The following CRYBG3 variants were observed in gnomAD, a reference collection of about 807,000 sequenced individuals.
CRYBG3 encodes crystallin beta-gamma domain containing 3.
In CRYBG3, 127 loss-of-function variants were observed where a neutral mutation model predicts 244.2. The observed-to-expected ratio is 0.52, with a 90% CI of 0.45 to 0.60. The LOEUF (loss-of-function observed/expected upper bound fraction) is 0.60. CRYBG3 is among the 20% of genes least tolerant of loss of function. The pLI, the probability that CRYBG3 is intolerant of heterozygous loss-of-function variation, is 0.00. For missense variants in CRYBG3, 3,325 were observed against 3,442.5 expected (o/e 0.97, Z 0.85); for synonymous variants, 1,132 against 1,195.8 (o/e 0.95, Z 1.10).
intron 17 of CRYBG3, among the ~76,000 whole-genome samples, chr3:97,920,616 G>A (rs1032027166): frequency 6.6e-6 from 1 of 151,804 alleles, no homozygotes; most frequent in African/African-American, 2.4e-5. Context: ...TGCAACCTCC[G>A]CCTCCCAAGT....
At position 97,872,259 on chromosome 3, in the gene CRYBG3, C is replaced by T. The variant is rs1307930499; in HGVS notation, c.1065C>T (p.Ser355=). Residue 355 remains serine, a synonymous_variant, in exon 4 of 22, where the codon AGC becomes AGT. Coordinates refer to ENST00000389622, the MANE Select transcript of CRYBG3 (RefSeq NM_153605.4). ...CCCCTTCTTCTGTGACTAACTCCAG[C>T]TACGATGGAGAATCTGACTCACAGC... The part of the protein sequence containing the change: ...RSSPSSVTNS[S]YDGESDSQHH... The T allele has an allele frequency of 3.9e-6, 6 of 1,535,756 alleles. No individual in the cohort carries two copies. Among genetic ancestry groups the T allele is most frequent in the South Asian group, 3.6e-5 (3 of 84,042 alleles).
intron 17 of CRYBG3, among the ~76,000 whole-genome samples, chr3:97,922,715 T>C (rs1018329609): frequency 3.3e-5 from 5 of 152,014 alleles, no homozygotes; most frequent in Admixed American, 3.3e-4. Context: ...TGTGGAGAAA[T>C]AGGAACACTT....
intron 16 of CRYBG3, 27 bp downstream of exon 16, chr3:97,912,303 G>A: frequency 8.4e-7 from 1 of 1,193,824 alleles, no homozygotes; most frequent in Non-Finnish European, 1.2e-6. Context: ...AGTGGTTTCT[G>A]CTGTTATTTA....
At chr3:97,892,752 T>A in intron 10 of CRYBG3, 108 bp from the exon 11 acceptor site, 1 of 570,236 alleles carries the variant, frequency 1.8e-6, no homozygotes, top group Non-Finnish European at 2.9e-6. Context: ...CTCCTCATAT[T>A]AATTAAAAAA....
intron 9 of CRYBG3, among the ~76,000 whole-genome samples, chr3:97,889,043 G>C (rs1176481323): frequency 6.6e-6 from 1 of 152,168 alleles, no homozygotes; most frequent in Non-Finnish European, 1.5e-5. Flanking sequence ...TCTGAAGTGG[G>C]ATTAAATCTT....
chr3:97,868,440 C>T (rs909924673), intron 3 of CRYBG3, among the ~76,000 whole-genome samples: 4 of 152,056 alleles, frequency 2.6e-5, no homozygotes, highest in African/African-American at 9.7e-5. Context: ...TGAAGGGACT[C>T]ACTATAATAT....
Position 97,830,809 on chromosome 3 carries a change from A to G in CRYBG3, c.149+8454A>G, listed in dbSNP as rs193179336. ...ACCTTGCACAGTGCCTTTTAAATTC[A>G]TTTTGCTGGACAGTTGGCAGGCTCT... is the stretch of plus-strand genomic sequence containing the variant. On this transcript the variant is annotated intron_variant, in intron 1 of 21. Transcript: ENST00000389622. Among the ~76,000 whole-genome samples, 828 of 152,180 alleles carry G rather than the reference A, an allele frequency of 5.4e-3. 7 individuals are homozygous for G. Among genetic ancestry groups the G allele is most frequent in the Non-Finnish European group, 5.8e-3 (391 of 67,984 alleles).
intron 2 of CRYBG3, among the ~76,000 whole-genome samples, chr3:97,850,947 C>T (rs762594919): frequency 3.9e-5 from 6 of 151,928 alleles, no homozygotes; most frequent in Non-Finnish European, 7.4e-5. Flanking sequence ...GCCTGGCCAA[C>T]ATGGTGAAAC....
In CRYBG3 at chr3:97,864,346, C is replaced by G. The variant is rs754578702; in HGVS notation, c.346C>G (p.Gln116Glu). 2 of 1,535,876 alleles carry G rather than the reference C, an allele frequency of 1.3e-6. No homozygotes were observed. The highest frequency in any genetic ancestry group is 1.7e-4 in the Middle Eastern group (1 of 5,988). ...SDTKIGESDR[Q>E]PKESFFQFLG... The stretch of plus-strand genomic sequence containing the variant: ...TACCAAAATAGGAGAAAGTGACAGA[C>G]AGCCAAAAGAAAGCTTTTTTCAGTT... Residue 116 changes from glutamine to glutamate, a missense_variant, in exon 3 of 22, where the codon CAG becomes GAG. This residue lies in a region of CRYBG3 where 1,526 missense variants were observed against 1,443.2 expected (regional missense o/e 1.06). Coordinates refer to ENST00000389622, the MANE Select transcript of CRYBG3 (RefSeq NM_153605.4).
intron 2 of CRYBG3, among the ~76,000 whole-genome samples, chr3:97,851,085 A>G (rs1367214583): frequency 1.3e-5 from 2 of 149,238 alleles, no homozygotes; most frequent in African/African-American, 5.0e-5. Context: ...GTGAGCCGAG[A>G]TTGCACCACT....
At chr3:97,912,127 A>T (rs760648828) in intron 15 of CRYBG3, 40 bp from the exon 16 acceptor site, 2 of 1,114,180 alleles carry the variant, frequency 1.8e-6, no homozygotes, top group Non-Finnish European at 1.3e-6. Context: ...ATCTAAGACC[A>T]TTTTTTTTCT....
chr3:97,843,792 C>A (rs1670340181), intron 2 of CRYBG3, among the ~76,000 whole-genome samples: 1 of 152,200 alleles, frequency 6.6e-6, no homozygotes, highest in South Asian at 2.1e-4. Flanking sequence ...GGGGATTCTC[C>A]ATGAGTAGTT....
chr3:97,873,708 G>A lies in CRYBG3; in HGVS notation c.2514G>A (p.Leu838=). Reference sequence around the variant, plus strand: ...CTGGAAGAGGAAAAACTATATCCTTGTCCAAGGTATCTCTTTCAAAAGTGG... The same window carrying A: ...CTGGAAGAGGAAAAACTATATCCTTATCCAAGGTATCTCTTTCAAAAGTGG... ...SHSGRGKTIS[L]SKVSLSKVEP... Residue 838 remains leucine (L), a synonymous_variant, in exon 4 of 22, where the codon TTG becomes TTA. Coordinates refer to ENST00000389622, the MANE Select transcript of CRYBG3 (RefSeq NM_153605.4). 1 of 1,535,936 alleles carries A rather than the reference G, an allele frequency of 6.5e-7. No individual in the cohort carries two copies. The highest frequency in any genetic ancestry group is 8.7e-7 in the Non-Finnish European group (1 of 1,146,820).
chr3:97,885,659 G>C (rs545581122), intron 7 of CRYBG3, among the ~76,000 whole-genome samples: 47 of 152,260 alleles, frequency 3.1e-4, no homozygotes, highest in Non-Finnish European at 5.9e-4. Flanking sequence ...AGTTGAGATA[G>C]GGGAAACATC....
chr3:97,856,888 T>C lies in CRYBG3; in HGVS notation c.217-7329T>C, dbSNP rs1409034544. Among the ~76,000 whole-genome samples, 3 of 152,264 alleles carry C rather than the reference T, an allele frequency of 2.0e-5. No homozygotes were observed. The East Asian group carries it at 5.8e-4, about 29-fold the overall frequency. ...ATTGCTCTTTTGTATTATACTTTAG[T>C]CTGAATGTCATTTATTTCTGCTCTG... On this transcript the variant is annotated intron_variant, in intron 2 of 21. Coordinates refer to ENST00000389622, the MANE Select transcript of CRYBG3 (RefSeq NM_153605.4).
chr3:97,859,642 C>T (rs1169553888), intron 2 of CRYBG3, among the ~76,000 whole-genome samples: 1 of 152,062 alleles, frequency 6.6e-6, no homozygotes, highest in Non-Finnish European at 1.5e-5. Context: ...AGCTGCATTC[C>T]CCAGAAACAT....
chr3:97,930,828 T>A (rs2040089446), intron 17 of CRYBG3, among the ~76,000 whole-genome samples: 1 of 152,082 alleles, frequency 6.6e-6, no homozygotes. Flanking sequence ...GCAGACAGTG[T>A]TGGCCACATA....
chr3:97,839,110 C>T (rs2038776567), intron 1 of CRYBG3, among the ~76,000 whole-genome samples: 1 of 152,072 alleles, frequency 6.6e-6, no homozygotes, highest in Non-Finnish European at 1.5e-5. Context: ...CACCCCCTGC[C>T]ATGAATAAAA....
At chr3:97,933,606 C>A in intron 17 of CRYBG3, 88 bp from the exon 18 acceptor site, 1 of 1,303,670 alleles carries the variant, frequency 7.7e-7, no homozygotes, top group Non-Finnish European at 1.1e-6. Context: ...TTTAAGAATA[C>A]AATGGATTCA....
Sources: allele counts gnomAD v4.1 joint callset (sites outside exome capture counted in the v4.1 genomes callset), GRCh38; gene constraint gnomAD v4.1.1; regional missense constraint gnomAD v4.1.1; transcripts MANE v1.5; gene names NCBI Gene and HGNC (gene_info 2026-07-23, HGNC 2026-07-21).